Variants in OSBPL1A observed in about 807,000 individuals in gnomAD.
OSBPL1A encodes the protein oxysterol binding protein like 1A.
OSBPL1A carries 80 observed loss-of-function variants against 137.1 expected under a neutral mutation model. The observed-to-expected ratio is 0.58, with a 90% CI of 0.49 to 0.70. OSBPL1A has a LOEUF of 0.70. OSBPL1A is among the 30% of genes least tolerant of loss of function. The pLI is 0.00. For missense variants in OSBPL1A, 970 were observed against 1,129.4 expected, an observed-to-expected ratio of 0.86 and a Z score of 2.02; for synonymous variants, 365 against 389.7, an observed-to-expected ratio of 0.94 and a Z score of 0.75.
intron 15 of OSBPL1A, among the ~76,000 whole-genome samples, chr18:24,279,333 G>GT (rs1376481694): frequency 6.6e-6 from 1 of 151,772 alleles, no homozygotes; most frequent in Non-Finnish European, 1.5e-5. Flanking sequence ...TGAGGCTGAG[G>GT]TGGGAGGATC....
At chr18:24,198,857 T>G (rs781466315) in intron 17 of OSBPL1A, among the ~76,000 whole-genome samples, 21 of 141,120 alleles carry the variant, frequency 1.5e-4, no homozygotes, top group Non-Finnish European at 2.9e-4. Context: ...GGTGTTTTTT[T>G]TTGTTGTTTT....
chr18:24,388,870 A>G (rs1310017287), intron 1 of OSBPL1A, among the ~76,000 whole-genome samples: 1 of 151,786 alleles, frequency 6.6e-6, no homozygotes, highest in Non-Finnish European at 1.5e-5. Context: ...CCCCCCACAG[A>G]TTGAGGTTGA....
intron 22 of OSBPL1A, among the ~76,000 whole-genome samples, chr18:24,171,943 CTTT>C (rs371618047): frequency 3.6e-5 from 5 of 140,276 alleles, no homozygotes; most frequent in Admixed American, 1.4e-4. Context: ...TTGCCTGATC[CTTT>C]TTTTTTTTTT....
chr18:24,247,782 C>T lies in OSBPL1A; in HGVS notation c.1282-8400G>A, dbSNP rs188137994. Among the ~76,000 whole-genome samples the T allele has an allele frequency of 1.6e-3, 238 of 151,910 alleles. 1 individual carries two copies. Among genetic ancestry groups the T allele is most frequent in the Admixed American group, 4.6e-4 (7 of 15,254 alleles). ...ACATCACGCCTAGCCTACAAGAGGACGCTGGTTACAGAGGTTATTTTAAAA... is the reference window on the plus strand; with the variant it reads ...ACATCACGCCTAGCCTACAAGAGGATGCTGGTTACAGAGGTTATTTTAAAA... On this transcript the variant is annotated intron_variant, in intron 15 of 27. Coordinates refer to ENST00000319481, the MANE Select transcript of OSBPL1A (RefSeq NM_080597.4).
intron 16 of OSBPL1A, 41 bp downstream of exon 16, chr18:24,239,179 C>T: frequency 6.2e-7 from 1 of 1,601,948 alleles, no homozygotes; most frequent in Non-Finnish European, 8.5e-7. Context: ...GTGGTGGACT[C>T]TAAATCACCA....
chr18:24,325,705 T>G (rs1339324224), intron 7 of OSBPL1A, among the ~76,000 whole-genome samples: 1 of 152,234 alleles, frequency 6.6e-6, no homozygotes, highest in Non-Finnish European at 1.5e-5. Context: ...ACTGTTGGGC[T>G]GTGTTCACTG....
intron 3 of OSBPL1A, 145 bp downstream of exon 3, chr18:24,368,142 A>G: frequency 2.0e-6 from 1 of 498,098 alleles, no homozygotes; most frequent in African/African-American, 1.9e-5. Context: ...TTTATTTAAT[A>G]AAGAACAATT....
Position 24,285,250 on chromosome 18 carries a change from C to A in OSBPL1A, c.1175-4302G>T, listed in dbSNP as rs2090048099. ...ACCAAGCTTTGCCAAAATAAAACCTCTCAAATATTTATTAAATGAATAAGG... is the reference window on the plus strand; with the variant it reads ...ACCAAGCTTTGCCAAAATAAAACCTATCAAATATTTATTAAATGAATAAGG... On this transcript the variant is annotated intron_variant, in intron 14 of 27. Coordinates refer to ENST00000319481, the MANE Select transcript of OSBPL1A (RefSeq NM_080597.4). Among the ~76,000 whole-genome samples, 8 of 152,278 alleles carry A rather than the reference C, an allele frequency of 5.3e-5. No individual in the cohort carries two copies. In the South Asian group the frequency reaches 1.7e-3, roughly 32 times the overall value.
intron 7 of OSBPL1A, among the ~76,000 whole-genome samples, chr18:24,331,461 AT>A (rs1226637817): frequency 6.9e-6 from 1 of 145,188 alleles, no homozygotes; most frequent in Non-Finnish European, 1.5e-5. Flanking sequence ...CAGTGGCGCG[AT>A]CTCGGCTCAC....
At chr18:24,375,615 A>G (rs967501284) in intron 2 of OSBPL1A, among the ~76,000 whole-genome samples, 3 of 152,166 alleles carry the variant, frequency 2.0e-5, no homozygotes, top group Admixed American at 6.5e-5. Flanking sequence ...TCCTCCAAGA[A>G]GCAAATCCTT....
At chr18:24,222,908 A>C (rs8093922) in intron 17 of OSBPL1A, among the ~76,000 whole-genome samples, 6,956 of 152,092 alleles carry the variant, frequency 0.046, 534 homozygotes, top group African/African-American at 0.16. Flanking sequence ...GGGGTGAGGG[A>C]GAAATGCAAG....
intron 18 of OSBPL1A, among the ~76,000 whole-genome samples, chr18:24,195,295 C>CA (rs1029024756): frequency 5.1e-4 from 77 of 150,588 alleles, no homozygotes; most frequent in Admixed American, 3.6e-3. Flanking sequence ...GCCCCTGTCT[C>CA]AAAAAAATGA....
intron 1 of OSBPL1A, among the ~76,000 whole-genome samples, chr18:24,392,497 T>A (rs1317569552): frequency 6.6e-6 from 1 of 152,172 alleles, no homozygotes; most frequent in Non-Finnish European, 1.5e-5. Context: ...TATTCAAAAA[T>A]TATTAAAAAT....
intron 4 of OSBPL1A, among the ~76,000 whole-genome samples, chr18:24,356,071 G>A (rs2091529585): frequency 6.6e-6 from 1 of 152,082 alleles, no homozygotes; most frequent in Non-Finnish European, 1.5e-5. Context: ...AGCTACTTGG[G>A]AGGCTGAGCC....
At chr18:24,178,841 A>C (rs1366016244) in intron 20 of OSBPL1A, among the ~76,000 whole-genome samples, 1 of 152,154 alleles carries the variant, frequency 6.6e-6, no homozygotes, top group African/African-American at 2.4e-5. Flanking sequence ...ATGAGATCAA[A>C]ACTTGTGCAG....
At chr18:24,208,848 G>A (rs1005771931) in intron 17 of OSBPL1A, among the ~76,000 whole-genome samples, 7 of 152,172 alleles carry the variant, frequency 4.6e-5, no homozygotes, top group Admixed American at 3.3e-4. Context: ...TGTTTACTCT[G>A]AGGAATTAAA....
intron 14 of OSBPL1A, among the ~76,000 whole-genome samples, chr18:24,289,375 T>C (rs1305525633): frequency 6.6e-6 from 1 of 151,790 alleles, no homozygotes; most frequent in Non-Finnish European, 1.5e-5. Flanking sequence ...GGGTCAACAC[T>C]GAATTTTTGA....
intron 11 of OSBPL1A, 106 bp downstream of exon 11, chr18:24,317,043 T>C: frequency 8.7e-7 from 1 of 1,149,072 alleles, no homozygotes; most frequent in South Asian, 1.4e-5. Flanking sequence ...TCTACAGCAT[T>C]CCACAGAACC....
intron 4 of OSBPL1A, among the ~76,000 whole-genome samples, chr18:24,344,599 T>C (rs1447761841): frequency 6.6e-6 from 1 of 151,922 alleles, no homozygotes; most frequent in Admixed American, 6.6e-5. Flanking sequence ...TGGAGGAAGA[T>C]GAGGCCCATT....
Sources: gnomAD v4.1 joint callset for allele counts (sites outside exome capture counted in the v4.1 genomes callset) on GRCh38, gnomAD v4.1.1 for gene constraint, MANE v1.5 for transcripts, NCBI Gene and HGNC (gene_info 2026-07-23, HGNC 2026-07-21) for gene names.